Variants in RNF138 observed in about 807,000 individuals in gnomAD.
The protein encoded by RNF138 is ring finger protein 138.
A neutral mutation model predicts 31.0 loss-of-function variants in RNF138; 12 were observed. The observed-to-expected ratio is 0.39, with a 90% confidence interval of 0.25 to 0.63. RNF138 has a LOEUF of 0.63. RNF138 is among the 20% of genes least tolerant of loss of function. The probability of loss-of-function intolerance (pLI) is 0.52; values close to 1 mark genes in which losing one functional copy is unlikely to be tolerated. For missense variants in RNF138, 192 were observed against 300.1 expected (o/e 0.64, Z 2.66); for synonymous variants, 105 against 99.5 (o/e 1.06, Z -0.33).
intron 4 of RNF138, among the ~76,000 whole-genome samples, chr18:32,118,876 C>A (rs1022200203): frequency 6.6e-6 from 1 of 152,094 alleles, no homozygotes; most frequent in African/African-American, 2.4e-5. Context: ...TCATTACATG[C>A]ATTGCAGATA....
intron 2 of RNF138, among the ~76,000 whole-genome samples, chr18:32,094,513 C>T (rs1297811357): frequency 6.6e-6 from 1 of 151,858 alleles, no homozygotes; most frequent in African/African-American, 2.4e-5. Context: ...GATCCTTTTG[C>T]GGTTCATAGT....
chr18:32,105,600 C>G (rs532593088), intron 2 of RNF138, among the ~76,000 whole-genome samples: 2 of 152,156 alleles, frequency 1.3e-5, no homozygotes, highest in African/African-American at 4.8e-5. Flanking sequence ...ATAATATTTC[C>G]AGATGGATTG....
At chr18:32,115,374 A>C (rs1280840753) in intron 4 of RNF138, among the ~76,000 whole-genome samples, 1 of 152,186 alleles carries the variant, frequency 6.6e-6, no homozygotes, top group African/African-American at 2.4e-5. Context: ...GAACTATGAT[A>C]ATAGCCTTTT....
At chr18:32,113,937 A>G (rs780298695) in intron 4 of RNF138, 77 bp downstream of exon 4, 171 of 737,008 alleles carry the variant, frequency 2.3e-4, no homozygotes, top group Non-Finnish European at 2.1e-4. Flanking sequence ...ATGATAAGGT[A>G]TTTGGGGGGA....
chr18:32,108,631 TTC>T (rs2040075444), intron 2 of RNF138, among the ~76,000 whole-genome samples: 1 of 152,132 alleles, frequency 6.6e-6, no homozygotes, highest in Admixed American at 6.6e-5. Flanking sequence ...GCTATGAACT[TTC>T]TAGCAAATTT....
chr18:32,092,955 C>T (rs2039728440), intron 2 of RNF138, 69 bp downstream of exon 2: 1 of 880,946 alleles, frequency 1.1e-6, no homozygotes. Context: ...GCCCGGGACC[C>T]CGGGCTGCCG....
intron 3 of RNF138, among the ~76,000 whole-genome samples, chr18:32,112,921 A>G (rs973291672): frequency 6.6e-6 from 1 of 152,194 alleles, no homozygotes; most frequent in East Asian, 1.9e-4. Context: ...GCTGGTTGCT[A>G]TTTCATGCAT....
chr18:32,107,405 G>A (rs1346972890), intron 2 of RNF138, among the ~76,000 whole-genome samples: 1 of 151,884 alleles, frequency 6.6e-6, no homozygotes, highest in Non-Finnish European at 1.5e-5. Context: ...ACAGGTGTGA[G>A]CCACTGTACC....
At chr18:32,118,444 G>T (rs1178864409) in intron 4 of RNF138, among the ~76,000 whole-genome samples, 2 of 152,018 alleles carry the variant, frequency 1.3e-5, no homozygotes, top group Non-Finnish European at 2.9e-5. Context: ...TGAGGCAGGA[G>T]AATTTCTTGA....
intron 2 of RNF138, among the ~76,000 whole-genome samples, chr18:32,101,195 T>C (rs1038568822): frequency 6.6e-6 from 1 of 151,444 alleles, no homozygotes; most frequent in African/African-American, 2.4e-5. Flanking sequence ...TCTTCTGGGC[T>C]TCAACCTCTT....
chr18:32,094,780 C>CTATATATA (rs142338609), intron 2 of RNF138, among the ~76,000 whole-genome samples: 2 of 150,486 alleles, frequency 1.3e-5, no homozygotes, highest in East Asian at 3.9e-4. Context: ...TAGCTGCTAA[C>CTATATATA]TATATATATA....
intron 2 of RNF138, among the ~76,000 whole-genome samples, chr18:32,110,254 A>C (rs1430697931): frequency 6.6e-6 from 1 of 151,982 alleles, no homozygotes; most frequent in Non-Finnish European, 1.5e-5. Context: ...TGTCCTCCCA[A>C]AGCACTGGGA....
intron 7 of RNF138, among the ~76,000 whole-genome samples, chr18:32,128,081 A>AAAAAG (rs10663913): frequency 0.65 from 98,923 of 151,452 alleles, 32,541 homozygotes; most frequent in East Asian, 0.74. Flanking sequence ...CTCCGTCTCA[A>AAAAAG]AAAAGAAAAG....
chr18:32,124,925 G>A (rs1464447551), intron 6 of RNF138, 80 bp downstream of exon 6: 3 of 721,980 alleles, frequency 4.2e-6, no homozygotes, highest in South Asian at 1.7e-5. Flanking sequence ...GTATGCAAGA[G>A]AAAGTAGTTG....
intron 2 of RNF138, among the ~76,000 whole-genome samples, chr18:32,100,771 C>T (rs149747254): frequency 0.028 from 4,262 of 152,088 alleles, 211 homozygotes; most frequent in African/African-American, 0.097. Flanking sequence ...CCCCCGCGCC[C>T]GGCCTGTATT....
intron 2 of RNF138, among the ~76,000 whole-genome samples, chr18:32,100,871 C>T (rs531606473): frequency 7.7e-4 from 118 of 152,270 alleles, no homozygotes; most frequent in African/African-American, 2.7e-3. Context: ...TCCCAGAGTG[C>T]TGGGATCACA....
chr18:32,092,599 A>C, intron 1 of RNF138, 101 bp from the exon 2 acceptor site: 1 of 583,078 alleles, frequency 1.7e-6, no homozygotes, highest in Non-Finnish European at 3.1e-6. Context: ...GTGCGGCAGT[A>C]GCGTCTCTGC....
chr18:32,116,937 C>G (rs143664464), intron 4 of RNF138, among the ~76,000 whole-genome samples: 1 of 151,724 alleles, frequency 6.6e-6, no homozygotes, highest in African/African-American at 2.4e-5. Context: ...GAGTTTTGCT[C>G]GTCTCCCAGG....
In RNF138 at chr18:32,129,214, T is replaced by TA. The variant is rs774858657; in HGVS notation, c.*28dup. 6.7e-7 allele frequency: 1 copy of TA among 1,491,666 alleles called. No individual in the cohort carries two copies. The highest frequency in any genetic ancestry group is 9.3e-7 in the Non-Finnish European group (1 of 1,077,164). 92.4% of individuals were successfully genotyped at this position (1,491,666 alleles called of 1,614,324 possible). A position where few individuals can be genotyped will look rare whatever the true frequency, so the allele number is the denominator to read the frequency against. ...GGCTGTAGACATCTCTGCATCTTTG[T>TA]ACCTGCAAGTGCCATCTTTAAGGGG... On this transcript the variant is annotated 3_prime_UTR_variant, in exon 8 of 8. Coordinates refer to ENST00000261593, the MANE Select transcript of RNF138 (RefSeq NM_016271.5).
Sources: allele counts gnomAD v4.1 joint callset (sites outside exome capture counted in the v4.1 genomes callset), GRCh38; gene constraint gnomAD v4.1.1; transcripts MANE v1.5; gene names NCBI Gene and HGNC (gene_info 2026-07-23, HGNC 2026-07-21).